IL1RAPL1: variants seen among roughly 807,000 people sequenced by gnomAD.
IL1RAPL1 encodes interleukin 1 receptor accessory protein like 1.
IL1RAPL1 carries 3 observed loss-of-function variants against 48.4 expected under a neutral mutation model. The ratio of observed to expected loss-of-function variants is 0.06; its 90% CI spans 0.03 to 0.16. IL1RAPL1 has a LOEUF of 0.16. Among genes scored for constraint, IL1RAPL1 ranks in the 10% least tolerant of loss-of-function variants. IL1RAPL1 has a pLI of 1.00. For missense variants in IL1RAPL1, 349 were observed against 530.6 expected (o/e 0.66, Z 3.36); for synonymous variants, 185 against 187.7 (o/e 0.99, Z 0.12).
At chrX:29,434,056 TG>T (rs1934452657) in intron 5 of IL1RAPL1, among the ~76,000 whole-genome samples, 1 of 110,293 alleles carries the variant, frequency 9.1e-6, no homozygotes, top group African/African-American at 3.3e-5. Context: ...AGAAAATATT[TG>T]TATATAAAAT....
At chrX:29,802,880 T>C (rs1318846674) in intron 6 of IL1RAPL1, among the ~76,000 whole-genome samples, 1 of 85,197 alleles carries the variant, frequency 1.2e-5, no homozygotes, top group Non-Finnish European at 2.2e-5. Flanking sequence ...TATACATATA[T>C]GTATATATGT....
intron 1 of IL1RAPL1, among the ~76,000 whole-genome samples, chrX:28,599,274 G>A (rs1346673294): frequency 9.2e-6 from 1 of 108,376 alleles, no homozygotes; most frequent in Admixed American, 9.9e-5. Flanking sequence ...AAAAAATTGA[G>A]GTCAGTAGGA....
chrX:29,015,981 T>A (rs1926232283), intron 2 of IL1RAPL1, among the ~76,000 whole-genome samples: 1 of 112,153 alleles, frequency 8.9e-6, no homozygotes, highest in African/African-American at 3.2e-5. Flanking sequence ...AAGCATTTTT[T>A]AGTGGGTAGA....
chrX:29,051,848 A>G (rs899899447), intron 2 of IL1RAPL1, among the ~76,000 whole-genome samples: 1 of 112,599 alleles, frequency 8.9e-6, no homozygotes, highest in African/African-American at 3.2e-5. Flanking sequence ...TCTGTGGCCT[A>G]TAATACATGT....
chrX:29,698,607 G>GAGGA (rs1458028033), intron 6 of IL1RAPL1, among the ~76,000 whole-genome samples: 2 of 106,248 alleles, frequency 1.9e-5, no homozygotes, highest in Non-Finnish European at 3.9e-5. Context: ...GGGAGGGAGG[G>GAGGA]AGGAAGGAAG....
chrX:29,177,750 C>T (rs1378300918), intron 2 of IL1RAPL1, among the ~76,000 whole-genome samples: 4 of 111,043 alleles, frequency 3.6e-5, no homozygotes, highest in South Asian at 3.8e-4. Context: ...CCCCAGCCCC[C>T]GACCCCATGA....
intron 5 of IL1RAPL1, among the ~76,000 whole-genome samples, chrX:29,495,536 C>G (rs1324213675): frequency 9.0e-6 from 1 of 111,163 alleles, no homozygotes; most frequent in Admixed American, 9.6e-5. Context: ...GCTGAAGTTG[C>G]TGTTCATCCA....
At chrX:29,592,169 T>A (rs965860832) in intron 5 of IL1RAPL1, among the ~76,000 whole-genome samples, 1 of 111,940 alleles carries the variant, frequency 8.9e-6, no homozygotes, top group African/African-American at 3.3e-5. Flanking sequence ...TGGGACAGAA[T>A]TTACATAGAA....
At chrX:29,668,053 C>T (rs1459693287) in intron 5 of IL1RAPL1, among the ~76,000 whole-genome samples, 1 of 111,623 alleles carries the variant, frequency 9.0e-6, no homozygotes, top group Admixed American at 9.5e-5. Flanking sequence ...GTAATACATG[C>T]CACATATATC....
At chrX:29,556,047 CT>C (rs1921989855) in intron 5 of IL1RAPL1, among the ~76,000 whole-genome samples, 1 of 111,691 alleles carries the variant, frequency 9.0e-6, no homozygotes, top group African/African-American at 3.3e-5. Flanking sequence ...AGTGGAAAGC[CT>C]TTCCTTTCCT....
chrX:29,541,638 C>T (rs1216640327), intron 5 of IL1RAPL1, among the ~76,000 whole-genome samples: 1 of 111,774 alleles, frequency 8.9e-6, no homozygotes, highest in Non-Finnish European at 1.9e-5. Context: ...TTTGCAACAA[C>T]GTGGGTGCCG....
chrX:28,906,818 C>CTAAGTCTACAACG (rs1923229562), intron 2 of IL1RAPL1, among the ~76,000 whole-genome samples: 1 of 111,624 alleles, frequency 9.0e-6, no homozygotes, highest in Non-Finnish European at 1.9e-5. Context: ...AGTTTACAGT[C>CTAAGTCTACAACG]TAAGTCTACA....
chrX:29,642,790 C>G, intron 5 of IL1RAPL1, among the ~76,000 whole-genome samples: 1 of 112,182 alleles, frequency 8.9e-6, no homozygotes. Flanking sequence ...TGTGCTACGG[C>G]ATGAGAAATG....
chrX:29,404,913 G>T (rs7067059), intron 5 of IL1RAPL1, among the ~76,000 whole-genome samples: 5,842 of 43,037 alleles, frequency 0.14, 402 homozygotes, highest in African/African-American at 0.36. Flanking sequence ...TTGTTTGTTT[G>T]TTTGTTTTGT....
chrX:28,955,964 C>T (rs995595163), intron 2 of IL1RAPL1, among the ~76,000 whole-genome samples: 1 of 99,959 alleles, frequency 1.0e-5, no homozygotes, highest in Non-Finnish European at 2.0e-5. Flanking sequence ...GTTTGTAGTT[C>T]TCCTTGAAGA....
At chrX:29,533,240 T>C (rs950634481) in intron 5 of IL1RAPL1, among the ~76,000 whole-genome samples, 5 of 111,501 alleles carry the variant, frequency 4.5e-5, no homozygotes, top group Admixed American at 1.9e-4. Context: ...AAAAAGAAAC[T>C]CCATTCCCAT....
At chrX:28,788,735 T>C (rs1217214472) in intron 1 of IL1RAPL1, among the ~76,000 whole-genome samples, 1 of 110,144 alleles carries the variant, frequency 9.1e-6, no homozygotes, top group East Asian at 2.8e-4. Context: ...CCCAAAGTGC[T>C]GAGATTACAG....
chrX:29,499,436 T>A (rs758359236), intron 5 of IL1RAPL1, among the ~76,000 whole-genome samples: 1 of 111,860 alleles, frequency 8.9e-6, no homozygotes, highest in South Asian at 3.7e-4. Flanking sequence ...CTTATGATTT[T>A]GTCAAATATA....
rs12688698 is a variant in IL1RAPL1, at chrX:29,686,607, C to G, written c.778+18103C>G. 3.2e-4 allele frequency among the ~76,000 whole-genome samples: 34 copies of G among 106,585 alleles called. No homozygotes were observed. In the East Asian group the frequency reaches 8.6e-3, roughly 27 times the overall value. The allele number at this position is 106,585 out of a possible 115,157, so 92.6% of individuals were successfully genotyped here. On this transcript the variant is annotated intron_variant, in intron 6 of 10. Transcript: ENST00000378993. ...GAGTCTCGCTCTGTCGCCCAGGCTG[C>G]AGTGCAGTGGTGCGATCTCAGCTCA...
Sources: allele counts gnomAD v4.1 joint callset (sites outside exome capture counted in the v4.1 genomes callset), GRCh38; gene constraint gnomAD v4.1.1; transcripts MANE v1.5; gene names NCBI Gene and HGNC (gene_info 2026-07-23, HGNC 2026-07-21).